SYT16: variants seen among roughly 807,000 people sequenced by gnomAD.
SYT16 encodes the protein synaptotagmin 16, also known as synaptotagmin-16.
A neutral mutation model predicts 61.4 loss-of-function variants in SYT16; 42 were observed. The observed-to-expected ratio is 0.68, with a 90% CI of 0.53 to 0.89. The LOEUF (loss-of-function observed/expected upper bound fraction) is 0.89. Among genes scored for constraint, SYT16 ranks in the 40% least tolerant of loss-of-function variants. The pLI, the probability that SYT16 is intolerant of heterozygous loss-of-function variation, is 0.00. For missense variants in SYT16, 804 were observed against 807.3 expected, an observed-to-expected ratio of 1.00 and a Z score of 0.05; for synonymous variants, 314 against 302.3, an observed-to-expected ratio of 1.04 and a Z score of -0.40.
Position 62,084,278 on chromosome 14 carries a change from C to T in SYT16, c.1517C>T (p.Ala506Val), listed in dbSNP as rs761346026. ...SSTQSLSHGG[A>V]PELLVGLSYN... ...ACGCAGTCGCTGTCTCATGGAGGGGCGCCAGAGCTGTTGGTGGGGCTCTCG... is the reference window on the plus strand; with the variant it reads ...ACGCAGTCGCTGTCTCATGGAGGGGTGCCAGAGCTGTTGGTGGGGCTCTCG... Residue 506 changes from alanine to valine, a missense_variant, in exon 7 of 8, where the codon GCG (alanine) becomes GTG (valine). Physicochemically the swap from Ala to Val is moderately conservative, Grantham distance 64. Coordinates refer to ENST00000683842, the MANE Select transcript of SYT16 (RefSeq NM_001367656.1). 1.2e-4 allele frequency: 191 copies of T among 1,613,744 alleles called. No individual in the cohort carries two copies. The highest frequency in any genetic ancestry group is 6.7e-4 in the Admixed American group (40 of 60,000).
chr14:61,921,224 G>A (rs2049322634), intron 1 of SYT16, among the ~76,000 whole-genome samples: 1 of 152,160 alleles, frequency 6.6e-6, no homozygotes, highest in East Asian at 1.9e-4. Context: ...CTCCTGTTTT[G>A]CTTAATTATT....
intron 3 of SYT16, among the ~76,000 whole-genome samples, chr14:62,020,991 C>G (rs1252565450): frequency 6.6e-6 from 1 of 152,160 alleles, no homozygotes; most frequent in Non-Finnish European, 1.5e-5. Flanking sequence ...TGTACCTGCT[C>G]TCTATGTCGG....
intron 7 of SYT16, among the ~76,000 whole-genome samples, chr14:62,096,374 G>C (rs1347614785): frequency 6.6e-6 from 1 of 151,894 alleles, no homozygotes; most frequent in African/African-American, 2.4e-5. Flanking sequence ...AGAAATTTTT[G>C]AATATTGATA....
chr14:61,956,844 G>A (rs1595010458), intron 1 of SYT16, among the ~76,000 whole-genome samples: 1 of 151,244 alleles, frequency 6.6e-6, no homozygotes, highest in East Asian at 1.9e-4. Flanking sequence ...TTTAAAACAT[G>A]CTATTGTGAT....
At chr14:61,858,120 C>CAAAAAAAAAAAAAAAAAAAAAAAA (rs34781118) in intron 1 of SYT16, among the ~76,000 whole-genome samples, 40 of 43,180 alleles carry the variant, frequency 9.3e-4, no homozygotes, top group Non-Finnish European at 1.5e-3. Flanking sequence ...CACAGCTTGG[C>CAAAAAAAAAAAAAAAAAAAAAAAA]AAAAAAAAAA....
At chr14:61,974,755 A>T (rs2051712063) in intron 2 of SYT16, among the ~76,000 whole-genome samples, 1 of 152,226 alleles carries the variant, frequency 6.6e-6, no homozygotes, top group South Asian at 2.1e-4. Context: ...AAGATGGAGG[A>T]TTCTCCAGAG....
Position 62,021,986 on chromosome 14 carries a change from C to G in SYT16, c.523+25444C>G, listed in dbSNP as rs1001433893. On this transcript the variant is annotated intron_variant, in intron 3 of 7. Transcript: ENST00000683842. ...TGGGTTATTTTGGTTGCCCTAAAAG[C>G]CAAGTGCTTTCTAATGGGTTCAATA... 2.0e-5 allele frequency among the ~76,000 whole-genome samples: 3 copies of G among 151,716 alleles called. No individual in the cohort carries two copies. In the South Asian group the frequency reaches 6.2e-4, roughly 32 times the overall value.
At chr14:62,055,916 C>T (rs1000036723) in intron 3 of SYT16, among the ~76,000 whole-genome samples, 4 of 152,198 alleles carry the variant, frequency 2.6e-5, no homozygotes, top group East Asian at 1.9e-4. Flanking sequence ...AGAGCAGCCT[C>T]AGTCTGTGGT....
At chr14:62,003,427 A>G (rs2053100539) in intron 3 of SYT16, among the ~76,000 whole-genome samples, 1 of 150,978 alleles carries the variant, frequency 6.6e-6, no homozygotes, top group Admixed American at 6.7e-5. Context: ...ATATTCATTT[A>G]ATTCTTACCA....
At chr14:61,894,437 G>C (rs577312717) in intron 1 of SYT16, among the ~76,000 whole-genome samples, 1 of 151,798 alleles carries the variant, frequency 6.6e-6, no homozygotes, top group South Asian at 2.1e-4. Flanking sequence ...AAAACTTTTT[G>C]GTTTTACAGA....
Position 62,110,407 on chromosome 14 carries a change from C to T in SYT16, c.*9700C>T, listed in dbSNP as rs992230166. 3 of 152,012 alleles carry T rather than the reference C, an allele frequency of 2.0e-5. No homozygotes were observed. The highest frequency in any genetic ancestry group is 7.2e-5 in the African/African-American group (3 of 41,404). The allele number at this position is 152,012 out of a possible 1,614,324, so 9.4% of individuals were successfully genotyped here. A position where few individuals can be genotyped will look rare whatever the true frequency, so the allele number is the denominator to read the frequency against. ...CTATATAACAGGGCCATACATATGA[C>T]AAGGTGATAGATGGAAAGACGTTTT... On this transcript the variant is annotated 3_prime_UTR_variant, in exon 8 of 8. Transcript: ENST00000683842.
At chr14:61,902,197 C>T (rs139201027) in intron 1 of SYT16, among the ~76,000 whole-genome samples, 74 of 152,304 alleles carry the variant, frequency 4.9e-4, no homozygotes, top group African/African-American at 1.8e-3. Flanking sequence ...TCTCTATGTG[C>T]CCCTTAGGAA....
intron 3 of SYT16, among the ~76,000 whole-genome samples, chr14:62,003,136 C>A (rs2053087853): frequency 6.6e-6 from 1 of 152,026 alleles, no homozygotes; most frequent in African/African-American, 2.4e-5. Context: ...ATCAGCTACC[C>A]TTCCCCAAGT....
At chr14:61,990,662 T>A (rs896570611) in intron 2 of SYT16, among the ~76,000 whole-genome samples, 10 of 152,144 alleles carry the variant, frequency 6.6e-5, no homozygotes, top group Non-Finnish European at 1.2e-4. Context: ...ATAACAGATT[T>A]TTAAAGCACA....
upstream of SYT16, chr14:61,812,475 G>T (rs2045298157): frequency 6.6e-6 from 1 of 152,046 alleles, no homozygotes; most frequent in African/African-American, 2.4e-5. Context: ...CATCCTCTTT[G>T]GGGGAGGGGC....
rs777540095 is a variant in SYT16 at position 62,084,317 on chromosome 14, C to T, written c.1556C>T (p.Thr519Met). The change falls in exon 7 of 8, where the codon ACG (threonine) becomes ATG (methionine). Residue 519 changes from threonine (T) to methionine (M), a missense_variant. By Grantham distance (81) the Thr-to-Met change is moderately conservative (BLOSUM62 -1). Transcript: ENST00000683842. ...LLVGLSYNAT[T>M]GRLSVEMIKG... ...GTGGGGCTCTCGTACAATGCCACAA[C>T]GGGGCGATTATCTGTGGAAATGATC... 29 of 1,613,352 alleles carry T rather than the reference C, an allele frequency of 1.8e-5. No individual in the cohort carries two copies. The highest frequency in any genetic ancestry group is 8.0e-5 in the African/African-American group (6 of 74,880).
chr14:61,853,695 G>A (rs1017270021), intron 1 of SYT16, among the ~76,000 whole-genome samples: 1 of 152,162 alleles, frequency 6.6e-6, no homozygotes, highest in African/African-American at 2.4e-5. Context: ...GCTAGCTTAT[G>A]GCATTTTGTT....
chr14:61,880,581 A>G (rs1422362627), intron 1 of SYT16, among the ~76,000 whole-genome samples: 1 of 152,172 alleles, frequency 6.6e-6, no homozygotes, highest in Non-Finnish European at 1.5e-5. Context: ...GCAAAATCAA[A>G]TCTTCCTACT....
rs2057451879 is a variant in SYT16, at chr14:62,103,107, A to G, written c.*2400A>G. The G allele has an allele frequency of 1.3e-5, 2 of 152,234 alleles. No homozygotes were observed. Among genetic ancestry groups the G allele is most frequent in the Non-Finnish European group, 2.9e-5 (2 of 68,046 alleles). The allele number at this position is 152,234 out of a possible 1,614,324, so 9.4% of individuals were successfully genotyped here. The stretch of plus-strand genomic sequence containing the variant: ...TTAAGTGCTGAAGACAAGATATATA[A>G]CAATATGTGGCTGATTTTTTTTACC... On this transcript the variant is annotated 3_prime_UTR_variant, in exon 8 of 8. Transcript: ENST00000683842.
Sources: gnomAD v4.1 joint callset for allele counts (sites outside exome capture counted in the v4.1 genomes callset) on GRCh38, gnomAD v4.1.1 for gene constraint, MANE v1.5 for transcripts, NCBI Gene and HGNC (gene_info 2026-07-23, HGNC 2026-07-21) for gene names.